Variants in EIF2S2 observed in about 807,000 individuals in gnomAD.
The protein encoded by EIF2S2 is eukaryotic translation initiation factor 2 subunit beta, also known as eukaryotic translation initiation factor 2 subunit 2.
A neutral mutation model predicts 44.0 loss-of-function variants in EIF2S2; 4 were observed. The ratio of observed to expected loss-of-function variants is 0.09; its 90% CI spans 0.04 to 0.21. The LOEUF (loss-of-function observed/expected upper bound fraction) is 0.21, where lower values mean the gene tolerates loss of function less well. Ranked by LOEUF, EIF2S2 falls within the 10% of genes least tolerant of loss-of-function variation. The pLI is 1.00. For synonymous variants in EIF2S2, 108 were observed against 128.3 expected (o/e 0.84, Z 1.07); for missense variants, 154 against 392.0 (o/e 0.39, Z 5.13).
intron 1 of EIF2S2, among the ~76,000 whole-genome samples, chr20:34,109,852 C>T (rs887132778): frequency 6.0e-5 from 9 of 151,128 alleles, no homozygotes; most frequent in South Asian, 4.2e-4. Flanking sequence ...CGCCTGTAAT[C>T]CCAGCACTTC....
intron 7 of EIF2S2, among the ~76,000 whole-genome samples, chr20:34,091,763 A>G (rs1434690578): frequency 4.7e-5 from 3 of 64,074 alleles, no homozygotes; most frequent in Admixed American, 1.9e-4. Flanking sequence ...TTATTTATAT[A>G]TATTTATTTT....
chr20:34,099,343 G>A (rs1229636993), intron 3 of EIF2S2, among the ~76,000 whole-genome samples: 6 of 151,246 alleles, frequency 4.0e-5, no homozygotes, highest in Admixed American at 1.3e-4. Context: ...GGCAACAAGA[G>A]GGAAACTCTG....
intron 6 of EIF2S2, 31 bp from the exon 7 acceptor site, chr20:34,093,762 ATC>A (rs2034196026): frequency 1.3e-6 from 2 of 1,558,438 alleles, no homozygotes; most frequent in South Asian, 2.4e-5. Flanking sequence ...TATAAACCTT[ATC>A]TCTCATGGAA....
intron 4 of EIF2S2, 28 bp from the exon 5 acceptor site, chr20:34,097,544 AGGGGTGGGCCCTACTACAATACAAAAGT>A: frequency 3.2e-6 from 5 of 1,586,516 alleles, no homozygotes; most frequent in Non-Finnish European, 3.4e-6. Context: ...TTTAAGAATG[AGGGGTGGGCCCTACTACAATACAAAAGT>A]GGGGTGGGTC....
rs566725187 is a variant in EIF2S2, at chr20:34,098,424, T to TC, written c.433+73dup. The TC allele has an allele frequency of 2.9e-4, 449 of 1,563,002 alleles. No individual in the cohort carries two copies. The African/African-American group carries it at 5.5e-3, about 19-fold the overall frequency. On this transcript the variant is annotated intron_variant, in intron 4 of 8. Coordinates refer to ENST00000374980, the MANE Select transcript of EIF2S2 (RefSeq NM_003908.5). Reference sequence around the variant, plus strand: ...CAAGAAAAAAATTTTAAAAGCACCCTCCACCCCCATCAAGGAGACCAGGGC... The same window carrying TC: ...CAAGAAAAAAATTTTAAAAGCACCCTCCCACCCCCATCAAGGAGACCAGGGC...
chr20:34,108,462 G>A (rs1056856469), intron 1 of EIF2S2, among the ~76,000 whole-genome samples: 4 of 152,150 alleles, frequency 2.6e-5, no homozygotes, highest in Non-Finnish European at 5.9e-5. Flanking sequence ...CAAAAATGAG[G>A]CCATGTTAGT....
At chr20:34,111,710 TGGCACCCCC>T (rs1319515042) in intron 1 of EIF2S2, among the ~76,000 whole-genome samples, 9 of 152,218 alleles carry the variant, frequency 5.9e-5, no homozygotes, top group Non-Finnish European at 1.2e-4. Flanking sequence ...GCGGCACCCC[TGGCACCCCC>T]GGCACCCAGT....
At chr20:34,097,633 T>C (rs2034245745) in intron 4 of EIF2S2, 117 bp from the exon 5 acceptor site, 1 of 724,782 alleles carries the variant, frequency 1.4e-6, no homozygotes, top group Admixed American at 2.6e-5. Context: ...CACAGCTGCA[T>C]TCACAACAGC....
chr20:34,105,946 C>T (rs1568718858), intron 1 of EIF2S2, among the ~76,000 whole-genome samples: 1 of 152,076 alleles, frequency 6.6e-6, no homozygotes, highest in Admixed American at 6.6e-5. Flanking sequence ...TTCTTTGAAA[C>T]AGGGTCTCAC....
At chr20:34,101,081 G>A (rs900386151) in intron 3 of EIF2S2, among the ~76,000 whole-genome samples, 1 of 152,184 alleles carries the variant, frequency 6.6e-6, no homozygotes, top group African/African-American at 2.4e-5. Flanking sequence ...GAATAGCTGG[G>A]AGTAAATAAA....
In EIF2S2 at chr20:34,105,496, G is replaced by A; in HGVS notation, c.65C>T (p.Pro22Leu). 1 of 1,611,778 alleles carries A rather than the reference G, an allele frequency of 6.2e-7. No homozygotes were observed. The highest frequency in any genetic ancestry group is 8.5e-7 in the Non-Finnish European group (1 of 1,179,386). Residue 22 changes from proline to leucine, a missense_variant, in exon 2 of 9, where the codon CCT becomes CTT. Pro to Leu is a moderately conservative substitution (Grantham distance 98, BLOSUM62 -3). Transcript: ENST00000374980. ...ATCCCCTTCCTCATCTAACATAAAA[G>A]GCTTCTTCTTCTTCTTTTTCTTCTT... is the stretch of plus-strand genomic sequence containing the variant. ...MSKKKKKKKKPFMLDEEGDTQ... is the reference protein window; with the variant it reads ...MSKKKKKKKKLFMLDEEGDTQ...
intron 3 of EIF2S2, among the ~76,000 whole-genome samples, chr20:34,102,506 C>T (rs1384060322): frequency 6.6e-6 from 1 of 152,228 alleles, no homozygotes; most frequent in Non-Finnish European, 1.5e-5. Flanking sequence ...ATCACTCATA[C>T]TTATTTACTG....
In EIF2S2 at chr20:34,089,898, A is replaced by G. The variant is rs1463862006; in HGVS notation, c.834T>C (p.Tyr278=). 1.2e-6 allele frequency: 2 copies of G among 1,613,698 alleles called. No homozygotes were observed. Among genetic ancestry groups the G allele is most frequent in the South Asian group, 1.1e-5 (1 of 91,040 alleles). The change falls in exon 9 of 9, where the codon TAT becomes TAC. Residue 278 remains tyrosine, a synonymous_variant. Coordinates refer to ENST00000374980, the MANE Select transcript of EIF2S2 (RefSeq NM_003908.5). ...ENVLRRYIKE[Y]VTCHTCRSPD... ...GTGATCGGCATGTGTGACAAGTGAC[A>G]TATTCCTCTGCAAATAAAGCAACAC...
At chr20:34,100,670 TCAGCCTGGCAC>T (rs1217346889) in intron 3 of EIF2S2, among the ~76,000 whole-genome samples, 1 of 152,124 alleles carries the variant, frequency 6.6e-6, no homozygotes, top group Non-Finnish European at 1.5e-5. Context: ...TATATGACAG[TCAGCCTGGCAC>T]CAGTCTGTGG....
At chr20:34,093,844 C>T (rs2034196910) in intron 6 of EIF2S2, 113 bp from the exon 7 acceptor site, 1 of 874,916 alleles carries the variant, frequency 1.1e-6, no homozygotes, top group Non-Finnish European at 1.7e-6. Flanking sequence ...AAGTGAATTT[C>T]ACTGCACCAT....
At chr20:34,091,514 G>C (rs936987656) in intron 7 of EIF2S2, among the ~76,000 whole-genome samples, 1 of 152,044 alleles carries the variant, frequency 6.6e-6, no homozygotes, top group Non-Finnish European at 1.5e-5. Flanking sequence ...TCAGGTGTTC[G>C]AGACCAGCCT....
chr20:34,105,469 G>A lies in EIF2S2; in HGVS notation c.92C>T (p.Thr31Ile). 6.2e-7 allele frequency: 1 copy of A among 1,613,920 alleles called. No individual in the cohort carries two copies. Among genetic ancestry groups the A allele is most frequent in the South Asian group, 1.1e-5 (1 of 91,058 alleles). Reference sequence around the variant, plus strand: ...TGAAGGCTGGGTTTCCTCTGTTTGGGTATCCCCTTCCTCATCTAACATAAA... The same window carrying A: ...TGAAGGCTGGGTTTCCTCTGTTTGGATATCCCCTTCCTCATCTAACATAAA... ...KPFMLDEEGDTQTEETQPSET... is the reference protein window; with the variant it reads ...KPFMLDEEGDIQTEETQPSET... The change falls in exon 2 of 9, where the codon ACC becomes ATC. Residue 31 changes from threonine to isoleucine, a missense_variant. Thr to Ile is a moderately conservative substitution (Grantham distance 89). Coordinates refer to ENST00000374980, the MANE Select transcript of EIF2S2 (RefSeq NM_003908.5).
chr20:34,089,491 C>A lies in EIF2S2; in HGVS notation c.*239G>T, dbSNP rs1439533746. 8.6e-6 allele frequency: 4 copies of A among 467,362 alleles called. No homozygotes were observed. The highest frequency in any genetic ancestry group is 1.5e-5 in the Non-Finnish European group (4 of 268,390). 29.0% of individuals were successfully genotyped at this position (467,362 alleles called of 1,614,324 possible). On this transcript the variant is annotated 3_prime_UTR_variant, in exon 9 of 9. Transcript: ENST00000374980. ...CTTGCATTTTACAGAAGTCTATGAACGATTTTAAAAAAGCACCTCCTTACC... is the reference window on the plus strand; with the variant it reads ...CTTGCATTTTACAGAAGTCTATGAAAGATTTTAAAAAAGCACCTCCTTACC...
rs953874437 is a variant in EIF2S2, at chr20:34,112,153, G to A, written c.-43C>T. 4 of 1,527,476 alleles carry A rather than the reference G, an allele frequency of 2.6e-6. No individual in the cohort carries two copies. Among genetic ancestry groups the A allele is most frequent in the Non-Finnish European group, 3.5e-6 (4 of 1,132,618 alleles). 94.6% of individuals were successfully genotyped at this position (1,527,476 alleles called of 1,614,324 possible). On this transcript the variant is annotated 5_prime_UTR_variant, in exon 1 of 9. Transcript: ENST00000374980. ...GCTCGGCACGGACGGGAAGTCAGAC[G>A]GGTCAGCCCCAGGCCCCGGCGGCAG...
Sources: allele counts gnomAD v4.1 joint callset (sites outside exome capture counted in the v4.1 genomes callset), GRCh38; gene constraint gnomAD v4.1.1; transcripts MANE v1.5; gene names NCBI Gene and HGNC (gene_info 2026-07-23, HGNC 2026-07-21).